The following PRELID2 variants were observed in gnomAD, a reference collection of about 807,000 sequenced individuals.
The protein encoded by PRELID2 is PRELI domain containing 2, also known as PRELI domain-containing protein 2.
In PRELID2, 25 loss-of-function variants were observed where a neutral mutation model predicts 28.4. The ratio of observed to expected loss-of-function variants is 0.88; its 90% confidence interval spans 0.64 to 1.23. PRELID2 has a LOEUF of 1.23. Among genes scored for constraint, PRELID2 ranks in the 50% most tolerant of loss-of-function variants. PRELID2 has a pLI of 0.00. For missense variants in PRELID2, 201 were observed against 214.4 expected, an observed-to-expected ratio of 0.94 and a Z score of 0.39; for synonymous variants, 76 against 71.6, an observed-to-expected ratio of 1.06 and a Z score of -0.31.
At chr5:145,385,517 T>C in the PRELID2 span, among the ~76,000 whole-genome samples, 16 of 152,154 alleles carry the variant, frequency 1.1e-4, no homozygotes, top group Admixed American at 1.1e-3. Context: ...CTCTGTCTGA[T>C]AGGATCTAGT....
At chr5:145,572,369 C>G (rs1396256357) in intron 1 of PRELID2, among the ~76,000 whole-genome samples, 1 of 152,206 alleles carries the variant, frequency 6.6e-6, no homozygotes, top group East Asian at 1.9e-4. Context: ...TCATTCATAA[C>G]TTCCTCAGAA....
At chr5:145,728,336 CTATCTCTACTTACT>C (rs1756235443) in intron 1 of PRELID2, 2 of 358,332 alleles carry the variant, frequency 5.6e-6, no homozygotes, top group Non-Finnish European at 1.1e-5. Flanking sequence ...CTATTTATCT[CTATCTCTACTTACT>C]TATCTCTACA....
chr5:145,599,154 A>G (rs1038977325), intron 1 of PRELID2, among the ~76,000 whole-genome samples: 2 of 152,204 alleles, frequency 1.3e-5, no homozygotes, highest in Non-Finnish European at 2.9e-5. Context: ...CCATAAATCT[A>G]CACCTTAGTA....
the PRELID2 span, among the ~76,000 whole-genome samples, chr5:145,337,686 A>AATATATAT: frequency 2.6e-3 from 208 of 79,840 alleles, no homozygotes; most frequent in Non-Finnish European, 3.4e-3. Flanking sequence ...GCATAGGGCA[A>AATATATAT]ATATATATAT....
chr5:145,487,642 C>T (rs1158446559), intron 1 of PRELID2, among the ~76,000 whole-genome samples: 1 of 152,144 alleles, frequency 6.6e-6, no homozygotes, highest in Admixed American at 6.5e-5. Flanking sequence ...CCCTTCACAT[C>T]ACATCCTAGA....
chr5:145,833,035 A>G (rs939547100), intron 1 of PRELID2, among the ~76,000 whole-genome samples: 1 of 152,120 alleles, frequency 6.6e-6, no homozygotes, highest in Non-Finnish European at 1.5e-5. Flanking sequence ...ACACACCATC[A>G]GTTCCATGAG....
the PRELID2 span, among the ~76,000 whole-genome samples, chr5:145,297,597 T>A: frequency 6.6e-6 from 1 of 151,812 alleles, no homozygotes; most frequent in Non-Finnish European, 1.5e-5. Context: ...CTATTCAACA[T>A]AGTGTTGGAA....
At chr5:145,488,501 C>T (rs1323601280) in intron 1 of PRELID2, among the ~76,000 whole-genome samples, 2 of 152,074 alleles carry the variant, frequency 1.3e-5, no homozygotes, top group African/African-American at 4.8e-5. Context: ...AACCCAAAGA[C>T]TCCTGATTAA....
intron 5 of PRELID2, among the ~76,000 whole-genome samples, chr5:145,772,552 T>G (rs377452182): frequency 2.6e-5 from 4 of 152,196 alleles, no homozygotes; most frequent in Non-Finnish European, 5.9e-5. Flanking sequence ...AAGGCACCAC[T>G]TGGCAAGAGG....
At chr5:145,658,438 G>T (rs1028871406) in intron 1 of PRELID2, among the ~76,000 whole-genome samples, 2 of 152,182 alleles carry the variant, frequency 1.3e-5, no homozygotes, top group African/African-American at 4.8e-5. Flanking sequence ...GCTGAAATGT[G>T]ATTCCCAGTT....
chr5:145,387,936 C>CAAAAAAAAAAAAAAAAAAAAAAAAAA, the PRELID2 span, among the ~76,000 whole-genome samples: 1 of 111,050 alleles, frequency 9.0e-6, no homozygotes, highest in Non-Finnish European at 1.9e-5. Flanking sequence ...AAGACAGAAC[C>CAAAAAAAAAAAAAAAAAAAAAAAAAA]AAAAAAAAAA....
At chr5:145,806,300 A>C (rs1354652349) in intron 4 of PRELID2, among the ~76,000 whole-genome samples, 2 of 152,118 alleles carry the variant, frequency 1.3e-5, no homozygotes, top group South Asian at 2.1e-4. Flanking sequence ...AACTTTTTTC[A>C]ATTTTTAATT....
chr5:145,812,079 G>A (rs1385110167), intron 4 of PRELID2, among the ~76,000 whole-genome samples: 1 of 152,118 alleles, frequency 6.6e-6, no homozygotes, highest in Non-Finnish European at 1.5e-5. Context: ...TCATTCCTCT[G>A]AACACGCTGA....
At chr5:145,608,255 T>C (rs777621009) in intron 1 of PRELID2, among the ~76,000 whole-genome samples, 1 of 152,176 alleles carries the variant, frequency 6.6e-6, no homozygotes, top group Non-Finnish European at 1.5e-5. Context: ...AAGGTTAATA[T>C]TGATTTGTGC....
At chr5:145,737,787 C>T (rs1415467534) in intron 1 of PRELID2, among the ~76,000 whole-genome samples, 5 of 152,000 alleles carry the variant, frequency 3.3e-5, no homozygotes, top group Non-Finnish European at 5.9e-5. Flanking sequence ...TCAGGGAGGG[C>T]AGGGGGCCAA....
At chr5:145,398,867 G>A in the PRELID2 span, among the ~76,000 whole-genome samples, 1 of 152,102 alleles carries the variant, frequency 6.6e-6, no homozygotes, top group South Asian at 2.1e-4. Context: ...TTCCTCAAGA[G>A]GGGACATTTT....
At chr5:145,385,384 A>C in the PRELID2 span, among the ~76,000 whole-genome samples, 1 of 152,148 alleles carries the variant, frequency 6.6e-6, no homozygotes, top group African/African-American at 2.4e-5. Context: ...GTCCTTCCAT[A>C]GCATTTTGAA....
chr5:145,506,219 C>T (rs1752410495), intron 1 of PRELID2, among the ~76,000 whole-genome samples: 1 of 152,164 alleles, frequency 6.6e-6, no homozygotes, highest in African/African-American at 2.4e-5. Flanking sequence ...CCCTTTTGCT[C>T]ACTCTGCTTC....
the PRELID2 span, chr5:145,229,600 C>A: frequency 7.9e-7 from 1 of 1,259,758 alleles, no homozygotes; most frequent in Non-Finnish European, 1.1e-6. Context: ...CAGGCAAGCA[C>A]GGTGTGGGCT....
Sources: allele counts gnomAD v4.1 joint callset (sites outside exome capture counted in the v4.1 genomes callset), GRCh38; gene constraint gnomAD v4.1.1; transcripts MANE v1.5; gene names NCBI Gene and HGNC (gene_info 2026-07-23, HGNC 2026-07-21).